PAPSS2: variants seen among roughly 807,000 people sequenced by gnomAD.
PAPSS2 encodes the protein bifunctional 3'-phosphoadenosine 5'-phosphosulfate synthase 2.
A neutral mutation model predicts 66.5 loss-of-function variants in PAPSS2; 61 were observed. That is an observed-to-expected ratio of 0.92 (90% confidence interval 0.75 to 1.14). PAPSS2 has a LOEUF of 1.14. PAPSS2 is among the 50% of genes most tolerant of loss of function. The probability of loss-of-function intolerance (pLI) is 0.00; values close to 1 mark genes in which losing one functional copy is unlikely to be tolerated. For synonymous variants in PAPSS2, 289 were observed against 287.5 expected (o/e 1.01, Z -0.05); for missense variants, 708 against 789.6 (o/e 0.90, Z 1.24).
chr10:87,702,719 T>A (rs951603922), intron 1 of PAPSS2, among the ~76,000 whole-genome samples: 5 of 152,164 alleles, frequency 3.3e-5, no homozygotes, highest in Non-Finnish European at 7.4e-5. Context: ...TTGTTTTTTT[T>A]AATTGAGACA....
At position 87,683,976 on chromosome 10, in the gene PAPSS2, C is replaced by T. The variant is rs149192659; in HGVS notation, c.27+23968C>T. Among the ~76,000 whole-genome samples, 844 of 152,248 alleles carry T rather than the reference C, an allele frequency of 5.5e-3. 9 individuals carry two copies. The highest frequency in any genetic ancestry group is 0.019 in the African/African-American group (792 of 41,534). Reference sequence around the variant, plus strand: ...TCCCAAAATGCTTGGATTACAGAAGCGTGCCACCACACCTGGCCTCAGATG... The same window carrying T: ...TCCCAAAATGCTTGGATTACAGAAGTGTGCCACCACACCTGGCCTCAGATG... On this transcript the variant is annotated intron_variant, in intron 1 of 12. Transcript: ENST00000456849.
intron 1 of PAPSS2, among the ~76,000 whole-genome samples, chr10:87,691,606 T>C (rs1853172343): frequency 1.3e-5 from 2 of 152,090 alleles, no homozygotes; most frequent in South Asian, 4.2e-4. Flanking sequence ...CAAGTGCCCA[T>C]GAGAGTCTTA....
At chr10:87,690,141 G>T (rs1239974292) in intron 1 of PAPSS2, among the ~76,000 whole-genome samples, 1 of 152,056 alleles carries the variant, frequency 6.6e-6, no homozygotes, top group East Asian at 1.9e-4. Flanking sequence ...TAAGTATAAG[G>T]TTATTAATTA....
chr10:87,680,652 T>C (rs71503876), intron 1 of PAPSS2, among the ~76,000 whole-genome samples: 1 of 152,160 alleles, frequency 6.6e-6, no homozygotes, highest in Admixed American at 6.5e-5. Flanking sequence ...TGCTACTCAA[T>C]GAATTTGTGT....
At chr10:87,743,103 G>A (rs1024313595) in intron 10 of PAPSS2, among the ~76,000 whole-genome samples, 8 of 152,202 alleles carry the variant, frequency 5.3e-5, no homozygotes, top group Non-Finnish European at 8.8e-5. Flanking sequence ...AAAATTAGCC[G>A]GGTGTGGTGG....
chr10:87,673,577 CATGT>C (rs1192898499), intron 1 of PAPSS2, among the ~76,000 whole-genome samples: 5 of 107,720 alleles, frequency 4.6e-5, no homozygotes, highest in Non-Finnish European at 7.4e-5. Context: ...TGTATGTATT[CATGT>C]GTGTGTGTGT....
chr10:87,741,250 G>C lies in PAPSS2; in HGVS notation c.1102G>C (p.Gly368Arg). The change falls in exon 10 of 13, where the codon GGG (glycine) becomes CGG (arginine). Residue 368 changes from glycine (G) to arginine (R), a missense_variant. Physicochemically the swap from Gly to Arg is moderately radical, Grantham distance 125. Coordinates refer to ENST00000456849, the MANE Select transcript of PAPSS2 (RefSeq NM_001015880.2). ...TTCTTTCTAGATGGTGATGGAAAGT[G>C]GGGACTGGCTGGTTGGTGGAGACCT... ...HPHIKMVMES[G>R]DWLVGGDLQV... The C allele has an allele frequency of 6.2e-7, 1 of 1,613,700 alleles. No individual in the cohort carries two copies. The highest frequency in any genetic ancestry group is 1.7e-4 in the Middle Eastern group (1 of 6,060).
Position 87,715,690 on chromosome 10 carries a change from C to A in PAPSS2, c.754-42C>A, listed in dbSNP as rs749390627. ...TCCCTGGGGCCAGATGCCTGGAAAA[C>A]AGAACTTATGAAAATGTTCAACTAC... On this transcript the variant is annotated intron_variant, in intron 6 of 12. Transcript: ENST00000456849. The A allele has an allele frequency of 3.8e-6, 5 of 1,313,426 alleles. No homozygotes were observed. The East Asian group carries it at 9.2e-5, about 24-fold the overall frequency. The allele number at this position is 1,313,426 out of a possible 1,614,324, so 81.4% of individuals were successfully genotyped here.
chr10:87,687,336 CCT>C (rs1444991853), intron 1 of PAPSS2, among the ~76,000 whole-genome samples: 1 of 152,066 alleles, frequency 6.6e-6, no homozygotes, highest in Non-Finnish European at 1.5e-5. Context: ...AATACAGGCT[CCT>C]ATATTAAAAA....
chr10:87,713,549 T>C (rs969667163), intron 3 of PAPSS2, among the ~76,000 whole-genome samples: 1 of 152,222 alleles, frequency 6.6e-6, no homozygotes, highest in Non-Finnish European at 1.5e-5. Flanking sequence ...AACCCTTCCA[T>C]GTTCACAATT....
At chr10:87,667,059 C>T (rs1360923081) in intron 1 of PAPSS2, among the ~76,000 whole-genome samples, 1 of 152,190 alleles carries the variant, frequency 6.6e-6, no homozygotes, top group African/African-American at 2.4e-5. Context: ...TTAAAGCTTT[C>T]CCAAAAGGTT....
At chr10:87,660,065 C>T in intron 1 of PAPSS2, 57 bp downstream of exon 1, 3 of 1,566,154 alleles carry the variant, frequency 1.9e-6, no homozygotes, top group Non-Finnish European at 2.6e-6. Context: ...CGCCGACCCC[C>T]AACCCCCAAT....
intron 8 of PAPSS2, among the ~76,000 whole-genome samples, chr10:87,723,776 A>G (rs139961553): frequency 1.2e-3 from 180 of 152,304 alleles, no homozygotes; most frequent in African/African-American, 4.3e-3. Context: ...TTTCATAACT[A>G]CTAGGGGGAG....
chr10:87,683,453 T>C (rs1315847447), intron 1 of PAPSS2, among the ~76,000 whole-genome samples: 1 of 152,214 alleles, frequency 6.6e-6, no homozygotes, highest in Non-Finnish European at 1.5e-5. Flanking sequence ...GTGGACCTTC[T>C]GTGTGTGCAA....
rs75909407 is a variant in PAPSS2, at chr10:87,672,933, G to A, written c.27+12925G>A. Among the ~76,000 whole-genome samples, 25 of 152,342 alleles carry A rather than the reference G, an allele frequency of 1.6e-4. No individual in the cohort carries two copies. In the East Asian group the frequency reaches 4.0e-3, roughly 25 times the overall value. On this transcript the variant is annotated intron_variant, in intron 1 of 12. Coordinates refer to ENST00000456849, the MANE Select transcript of PAPSS2 (RefSeq NM_001015880.2). ...TTTAGTGTCTATAAATAAAGCTTTCGAAACGTACCATGCTTATTCGTTTAC... is the reference window on the plus strand; with the variant it reads ...TTTAGTGTCTATAAATAAAGCTTTCAAAACGTACCATGCTTATTCGTTTAC...
Position 87,746,218 on chromosome 10 carries a change from C to T in PAPSS2, c.*248C>T. ...CTTATACATTTCATAATAAAATTAG[C>T]TCTATGTATTTTCTACTGCACCTGA... On this transcript the variant is annotated 3_prime_UTR_variant, in exon 13 of 13. Transcript: ENST00000456849. 3.6e-6 allele frequency: 1 copy of T among 277,574 alleles called. No homozygotes were observed. 17.2% of individuals were successfully genotyped at this position (277,574 alleles called of 1,614,324 possible).
chr10:87,745,732 C>A, intron 12 of PAPSS2, 100 bp from the exon 13 acceptor site: 1 of 1,227,076 alleles, frequency 8.1e-7, no homozygotes, highest in Non-Finnish European at 1.2e-6. Flanking sequence ...CAGCATTTTA[C>A]AGAAAGAACA....
Position 87,713,314 on chromosome 10 carries a change from A to T in PAPSS2, c.381+4A>T. The T allele has an allele frequency of 1.6e-5, 9 of 577,200 alleles. No individual in the cohort carries two copies. The highest frequency in any genetic ancestry group is 2.2e-5 in the South Asian group (1 of 44,486). 35.8% of individuals were successfully genotyped at this position (577,200 alleles called of 1,614,324 possible). ...CTTTATTTCTCCATTCGCAAAGGTAAAAAAAAAAAAAAAAAAAAAAGGCAC... is the reference window on the plus strand; with the variant it reads ...CTTTATTTCTCCATTCGCAAAGGTATAAAAAAAAAAAAAAAAAAAAGGCAC... On this transcript the variant is annotated splice_donor_region_variant and intron_variant, in intron 3 of 12. Transcript: ENST00000456849.
At chr10:87,683,564 G>A (rs904463251) in intron 1 of PAPSS2, among the ~76,000 whole-genome samples, 1 of 152,200 alleles carries the variant, frequency 6.6e-6, no homozygotes, top group Non-Finnish European at 1.5e-5. Context: ...TCCTAGAAAT[G>A]ATGATCCTGC....
Sources: allele counts gnomAD v4.1 joint callset (sites outside exome capture counted in the v4.1 genomes callset), GRCh38; gene constraint gnomAD v4.1.1; transcripts MANE v1.5; gene names NCBI Gene and HGNC (gene_info 2026-07-23, HGNC 2026-07-21).